FGGY: variants seen among roughly 807,000 people sequenced by gnomAD.
FGGY encodes the protein FGGY carbohydrate kinase domain containing.
Under a neutral mutation model 71.3 loss-of-function variants are expected in FGGY, and 72 were observed. The observed-to-expected ratio is 1.01, with a 90% CI of 0.84 to 1.23. FGGY has a LOEUF of 1.23. FGGY is among the 50% of genes most tolerant of loss of function. The pLI is 0.00. For missense variants in FGGY, 668 were observed against 682.3 expected (o/e 0.98, Z 0.23); for synonymous variants, 251 against 250.3 (o/e 1.00, Z -0.02).
At chr1:59,431,166 C>T (rs1376811619) in intron 5 of FGGY, among the ~76,000 whole-genome samples, 1 of 152,130 alleles carries the variant, frequency 6.6e-6, no homozygotes, top group Non-Finnish European at 1.5e-5. Flanking sequence ...TTTTCTCTAC[C>T]CCCACCAAAA....
At chr1:59,664,248 A>G (rs538889246) in intron 12 of FGGY, among the ~76,000 whole-genome samples, 2 of 152,368 alleles carry the variant, frequency 1.3e-5, no homozygotes, top group South Asian at 4.1e-4. Context: ...TGAGCACAAA[A>G]TCATTTTCAC....
intron 14 of FGGY, among the ~76,000 whole-genome samples, chr1:59,681,815 C>CAT: frequency 6.6e-6 from 1 of 151,764 alleles, no homozygotes; most frequent in East Asian, 1.9e-4. Flanking sequence ...TGCACACACA[C>CAT]ACACACATAC....
chr1:59,728,353 G>T (rs1337721173), intron 14 of FGGY, among the ~76,000 whole-genome samples: 1 of 151,904 alleles, frequency 6.6e-6, no homozygotes, highest in Non-Finnish European at 1.5e-5. Context: ...TAACATTGCT[G>T]TAATTTATTT....
At chr1:59,587,800 T>C (rs1187725879) in intron 8 of FGGY, among the ~76,000 whole-genome samples, 12 of 152,008 alleles carry the variant, frequency 7.9e-5, no homozygotes, top group African/African-American at 2.4e-5. Context: ...CATCTGTACG[T>C]CGCCATCATC....
chr1:59,415,376 T>C (rs980273666), intron 5 of FGGY, among the ~76,000 whole-genome samples: 3 of 152,216 alleles, frequency 2.0e-5, no homozygotes, highest in Non-Finnish European at 4.4e-5. Context: ...TTCCAGATTT[T>C]CTGTCATCAG....
chr1:59,488,017 C>CT (rs1392112959), intron 6 of FGGY, among the ~76,000 whole-genome samples: 7 of 152,072 alleles, frequency 4.6e-5, no homozygotes, highest in Admixed American at 1.3e-4. Flanking sequence ...TTCACTTTGC[C>CT]TTTTTTTGTG....
At chr1:59,532,351 G>A (rs2095169429) in intron 7 of FGGY, among the ~76,000 whole-genome samples, 1 of 152,156 alleles carries the variant, frequency 6.6e-6, no homozygotes, top group South Asian at 2.1e-4. Context: ...ACACAAACAA[G>A]TATGAGATAT....
In FGGY at chr1:59,721,337, G is replaced by GTTTTTTTTTTTTTTTTTTTTTTTTTTTT. The variant is rs71046339; in HGVS notation, c.1513-36575_1513-36574insTTTTTTTTTTTTTTTTTTTTTTTTTTTT. ...AGAGAGTTTTTCTTTTCTTTCCTTT[G>GTTTTTTTTTTTTTTTTTTTTTTTTTTTT]TTTTTTTTTTTTTTTTTTTGAGACG... On this transcript the variant is annotated intron_variant, in intron 14 of 15. Transcript: ENST00000303721. Among the ~76,000 whole-genome samples, 18 of 105,370 alleles carry GTTTTTTTTTTTTTTTTTTTTTTTTTTTT rather than the reference G, an allele frequency of 1.7e-4. 5 individuals are homozygous for GTTTTTTTTTTTTTTTTTTTTTTTTTTTT. In the East Asian group the frequency reaches 2.6e-3, roughly 15 times the overall value. 69.1% of individuals were successfully genotyped at this position (105,370 alleles called of 152,430 possible). A position where few individuals can be genotyped will look rare whatever the true frequency, so the allele number is the denominator to read the frequency against.
chr1:59,744,501 G>A (rs1352103816), intron 14 of FGGY, among the ~76,000 whole-genome samples: 9 of 152,214 alleles, frequency 5.9e-5, no homozygotes, highest in African/African-American at 2.2e-4. Context: ...GATTACAGGC[G>A]TGAGCCACTG....
At chr1:59,436,423 T>C (rs763904930) in intron 5 of FGGY, among the ~76,000 whole-genome samples, 16 of 152,190 alleles carry the variant, frequency 1.1e-4, no homozygotes, top group Non-Finnish European at 2.2e-4. Context: ...ATCATGGTTG[T>C]AACTCTATAG....
At chr1:59,593,077 C>A (rs1431716449) in intron 8 of FGGY, among the ~76,000 whole-genome samples, 2 of 152,026 alleles carry the variant, frequency 1.3e-5, no homozygotes, top group Non-Finnish European at 2.9e-5. Context: ...GATCTAGAGC[C>A]CAGTAGCTCC....
At chr1:59,538,544 C>T (rs1157709833) in intron 7 of FGGY, among the ~76,000 whole-genome samples, 11 of 145,960 alleles carry the variant, frequency 7.5e-5, no homozygotes, top group Non-Finnish European at 1.0e-4. Flanking sequence ...CACATGCACA[C>T]GTATGTTTAT....
chr1:59,565,880 A>C lies in FGGY; in HGVS notation c.903+11653A>C, dbSNP rs190177031. Among the ~76,000 whole-genome samples the C allele has an allele frequency of 9.2e-5, 14 of 152,248 alleles. No individual in the cohort carries two copies. In the East Asian group the frequency reaches 2.7e-3, roughly 29 times the overall value. On this transcript the variant is annotated intron_variant, in intron 8 of 15. Coordinates refer to ENST00000303721, the MANE Select transcript of FGGY (RefSeq NM_018291.5). ...CCTAATGATAACAATAAAAATAAAC[A>C]ACATCACTTGTCACCATCATCCCCT...
At chr1:59,371,071 G>T (rs2057534281) in intron 4 of FGGY, among the ~76,000 whole-genome samples, 1 of 151,954 alleles carries the variant, frequency 6.6e-6, no homozygotes, top group African/African-American at 2.4e-5. Context: ...AACTTTAAAT[G>T]TAAATGGACT....
chr1:59,611,591 C>T (rs943483155), intron 9 of FGGY, among the ~76,000 whole-genome samples: 2 of 152,158 alleles, frequency 1.3e-5, no homozygotes, highest in Non-Finnish European at 2.9e-5. Context: ...AATCAGAGTG[C>T]CTCTCCTCCT....
chr1:59,510,783 G>A (rs963147364), intron 6 of FGGY, among the ~76,000 whole-genome samples: 1 of 152,156 alleles, frequency 6.6e-6, no homozygotes, highest in African/African-American at 2.4e-5. Flanking sequence ...GATATCTGGT[G>A]TGTATTTTCC....
At chr1:59,505,702 TC>T (rs559763302) in intron 6 of FGGY, among the ~76,000 whole-genome samples, 4 of 152,124 alleles carry the variant, frequency 2.6e-5, no homozygotes, top group Non-Finnish European at 5.9e-5. Flanking sequence ...ACTTACCCCT[TC>T]CTGGAGAGGA....
intron 9 of FGGY, among the ~76,000 whole-genome samples, chr1:59,623,793 C>T (rs1468064826): frequency 6.6e-6 from 1 of 152,140 alleles, no homozygotes; most frequent in Non-Finnish European, 1.5e-5. Context: ...TTCAGTGTAT[C>T]TCCGGAACCT....
chr1:59,313,010 A>G (rs1468703062), intron 1 of FGGY, among the ~76,000 whole-genome samples: 1 of 152,230 alleles, frequency 6.6e-6, no homozygotes, highest in East Asian at 1.9e-4. Flanking sequence ...TGGGCTCAGT[A>G]AAGAGCATAA....
Sources: gnomAD v4.1 joint callset for allele counts (sites outside exome capture counted in the v4.1 genomes callset) on GRCh38, gnomAD v4.1.1 for gene constraint, MANE v1.5 for transcripts, NCBI Gene and HGNC (gene_info 2026-07-23, HGNC 2026-07-21) for gene names.